The following DENND5B variants were observed in gnomAD, a reference collection of about 807,000 sequenced individuals.
DENND5B encodes the protein DENN domain-containing protein 5B.
Under a neutral mutation model 140.6 loss-of-function variants are expected in DENND5B, and 34 were observed. That is an observed-to-expected ratio of 0.24 (90% CI 0.18 to 0.32). The LOEUF is 0.32. DENND5B is among the 10% of genes least tolerant of loss of function. The pLI is 1.00. For synonymous variants in DENND5B, 551 were observed against 562.1 expected (o/e 0.98, Z 0.28); for missense variants, 1,142 against 1,560.2 (o/e 0.73, Z 4.52).
At chr12:31,405,705 G>A (rs1942091847) in intron 14 of DENND5B, among the ~76,000 whole-genome samples, 2 of 151,204 alleles carry the variant, frequency 1.3e-5, no homozygotes, top group African/African-American at 4.9e-5. Flanking sequence ...TTGCCACCGT[G>A]CCCAGCTAAT....
intron 4 of DENND5B, among the ~76,000 whole-genome samples, chr12:31,456,766 A>C (rs748743264): frequency 6.6e-6 from 1 of 152,214 alleles, no homozygotes; most frequent in Non-Finnish European, 1.5e-5. Flanking sequence ...GCTTGAGGGT[A>C]AGCCAGAGAG....
chr12:31,455,118 C>T (rs1025627909), intron 4 of DENND5B, among the ~76,000 whole-genome samples: 1 of 152,098 alleles, frequency 6.6e-6, no homozygotes, highest in African/African-American at 2.4e-5. Flanking sequence ...CCGCGCCCGG[C>T]CAATTCAGTA....
At chr12:31,586,929 C>T (rs1950415232) in intron 1 of DENND5B, among the ~76,000 whole-genome samples, 1 of 152,174 alleles carries the variant, frequency 6.6e-6, no homozygotes, top group African/African-American at 2.4e-5. Flanking sequence ...ATTTGCCTAA[C>T]ACAGTTTCAT....
chr12:31,517,052 T>C (rs1479355746), intron 1 of DENND5B, among the ~76,000 whole-genome samples: 1 of 152,224 alleles, frequency 6.6e-6, no homozygotes, highest in Non-Finnish European at 1.5e-5. Context: ...CTTTGCTATA[T>C]TCATTTCACA....
chr12:31,456,665 C>G (rs1234525729), intron 4 of DENND5B, among the ~76,000 whole-genome samples: 1 of 152,130 alleles, frequency 6.6e-6, no homozygotes, highest in African/African-American at 2.4e-5. Flanking sequence ...AACTGTAGGC[C>G]GGAGCAGGAA....
chr12:31,469,413 G>T (rs887593588), intron 3 of DENND5B, among the ~76,000 whole-genome samples: 1 of 151,900 alleles, frequency 6.6e-6, no homozygotes, highest in Non-Finnish European at 1.5e-5. Context: ...AAGGTGCTGG[G>T]TAAGTCCAAG....
chr12:31,528,608 C>T (rs1948168945), intron 1 of DENND5B, among the ~76,000 whole-genome samples: 1 of 152,080 alleles, frequency 6.6e-6, no homozygotes, highest in African/African-American at 2.4e-5. Context: ...AGACCAAACA[C>T]GGAGTATGAT....
chr12:31,551,641 A>C (rs375413712), intron 1 of DENND5B, among the ~76,000 whole-genome samples: 4 of 152,160 alleles, frequency 2.6e-5, no homozygotes, highest in African/African-American at 7.2e-5. Context: ...TTGAATCTAT[A>C]AATTACCTTG....
intron 1 of DENND5B, among the ~76,000 whole-genome samples, chr12:31,544,124 A>T (rs1948775077): frequency 6.6e-6 from 1 of 152,228 alleles, no homozygotes; most frequent in South Asian, 2.1e-4. Context: ...AGATTGTACC[A>T]CTGCACTCCA....
At chr12:31,450,554 A>G (rs539566609) in intron 5 of DENND5B, among the ~76,000 whole-genome samples, 3 of 152,042 alleles carry the variant, frequency 2.0e-5, no homozygotes, top group Non-Finnish European at 4.4e-5. Context: ...ATGAGTTCTC[A>G]CTATGTTGCC....
Position 31,555,831 on chromosome 12 carries a change from T to G in DENND5B, c.127+34875A>C, listed in dbSNP as rs141741625. Among the ~76,000 whole-genome samples the G allele has an allele frequency of 1.4e-3, 208 of 152,266 alleles. 6 individuals carry two copies. In the East Asian group the frequency reaches 0.036, roughly 27 times the overall value. On this transcript the variant is annotated intron_variant, in intron 1 of 20. Transcript: ENST00000389082. ...CTGCTATGCTAGCAATGAGCGAGAC[T>G]CCCTGGGAGTAGGACCCTCCGAGCC...
rs185323472 is a variant in DENND5B at position 31,436,823 on chromosome 12, C to G, written c.2013-3575G>C. Among the ~76,000 whole-genome samples the G allele has an allele frequency of 1.5e-3, 226 of 152,294 alleles. 6 individuals are homozygous for G. Among genetic ancestry groups the G allele is most frequent in the Admixed American group, 0.015 (224 of 15,296 alleles). On this transcript the variant is annotated intron_variant, in intron 7 of 20. Coordinates refer to ENST00000389082, the MANE Select transcript of DENND5B (RefSeq NM_144973.4). The stretch of plus-strand genomic sequence containing the variant: ...GTGCTGGGATTACAGACGTGAGTCA[C>G]TGCGCCCGACCCAGCTCCTGCAATT...
chr12:31,441,020 GCCACCATGCCTGGC>G (rs1944004766), intron 7 of DENND5B, among the ~76,000 whole-genome samples: 1 of 152,110 alleles, frequency 6.6e-6, no homozygotes, highest in African/African-American at 2.4e-5. Context: ...ACAGGCATGA[GCCACCATGCCTGGC>G]CTAATTTAAA....
chr12:31,570,555 G>A (rs942306038), intron 1 of DENND5B, among the ~76,000 whole-genome samples: 39 of 150,178 alleles, frequency 2.6e-4, no homozygotes, highest in African/African-American at 9.3e-4. Context: ...GGGATTACAG[G>A]CGTGAGCCAC....
chr12:31,577,327 G>A (rs893657520), intron 1 of DENND5B, among the ~76,000 whole-genome samples: 24 of 152,128 alleles, frequency 1.6e-4, no homozygotes, highest in Non-Finnish European at 2.1e-4. Context: ...GCATGGACAG[G>A]AAAAAATTAA....
intron 9 of DENND5B, among the ~76,000 whole-genome samples, chr12:31,425,857 G>A (rs534198147): frequency 3.9e-5 from 6 of 152,194 alleles, no homozygotes; most frequent in Non-Finnish European, 7.3e-5. Flanking sequence ...AGAGGAGAAC[G>A]TTGTGCAATA....
At chr12:31,543,004 G>T (rs1228838260) in intron 1 of DENND5B, among the ~76,000 whole-genome samples, 1 of 151,986 alleles carries the variant, frequency 6.6e-6, no homozygotes, top group Non-Finnish European at 1.5e-5. Context: ...GACAAAAAAG[G>T]TTTTTTTGGT....
At chr12:31,577,955 T>C (rs770343866) in intron 1 of DENND5B, among the ~76,000 whole-genome samples, 4 of 151,140 alleles carry the variant, frequency 2.6e-5, no homozygotes, top group Non-Finnish European at 5.9e-5. Flanking sequence ...TGAAACCCCA[T>C]CTCTACAAAA....
chr12:31,402,789 A>G, intron 14 of DENND5B, 146 bp from the exon 15 acceptor site: 1 of 999,152 alleles, frequency 1.0e-6, no homozygotes, highest in Non-Finnish European at 1.4e-6. Flanking sequence ...AGTTGAGATC[A>G]TAACCTTTCA....
Sources: gnomAD v4.1 joint callset for allele counts (sites outside exome capture counted in the v4.1 genomes callset) on GRCh38, gnomAD v4.1.1 for gene constraint, MANE v1.5 for transcripts, NCBI Gene and HGNC (gene_info 2026-07-23, HGNC 2026-07-21) for gene names.